Variants in GSTCD observed in about 807,000 individuals in gnomAD.
GSTCD encodes the protein glutathione S-transferase C-terminal domain containing, also known as glutathione S-transferase C-terminal domain-containing protein.
Under a neutral mutation model 68.3 loss-of-function variants are expected in GSTCD, and 44 were observed. The observed-to-expected ratio is 0.64, with a 90% CI of 0.51 to 0.83. The LOEUF is 0.83. GSTCD is among the 40% of genes least tolerant of loss of function. The pLI, the probability that GSTCD is intolerant of heterozygous loss-of-function variation, is 0.00. For synonymous variants in GSTCD, 273 were observed against 255.2 expected, an observed-to-expected ratio of 1.07 and a Z score of -0.67; for missense variants, 739 against 735.9, an observed-to-expected ratio of 1.00 and a Z score of -0.05.
Position 105,729,449 on chromosome 4 carries a change from C to T in GSTCD, c.1190C>T (p.Thr397Ile), listed in dbSNP as rs751233029. The change falls in exon 5 of 12, where the codon ACT (threonine) becomes ATT (isoleucine). Residue 397 changes from threonine (T) to isoleucine (I), a missense_variant. Coordinates refer to ENST00000515279, the MANE Select transcript of GSTCD (RefSeq NM_001370181.1). ...ATGTTTTCTCCCCACCCTTGCCCTA[C>T]TTGGACTCTTGATTGGAATGTTCTC... is the stretch of plus-strand genomic sequence containing the variant. ...EVMFSPHPCP[T>I]WTLDWNVLPA... 4 of 1,612,152 alleles carry T rather than the reference C, an allele frequency of 2.5e-6. No individual in the cohort carries two copies. The highest frequency in any genetic ancestry group is 1.1e-5 in the South Asian group (1 of 90,786).
At chr4:105,726,895 C>T in intron 4 of GSTCD, 65 bp downstream of exon 4, 1 of 1,238,170 alleles carries the variant, frequency 8.1e-7, no homozygotes, top group Admixed American at 2.4e-5. Context: ...CATTCTACTC[C>T]AACTTGTAAT....
chr4:105,766,885 C>CTATTTTTTTTTTTTTTTTT (rs1491149179), intron 5 of GSTCD, among the ~76,000 whole-genome samples: 1 of 23,040 alleles, frequency 4.3e-5, no homozygotes, highest in African/African-American at 1.7e-4. Context: ...AGGTTTTTGA[C>CTATTTTTTTTTTTTTTTTT]TCTTTTTTTT....
intron 1 of GSTCD, among the ~76,000 whole-genome samples, chr4:105,715,259 G>C (rs968962900): frequency 2.6e-5 from 4 of 152,020 alleles, no homozygotes; most frequent in African/African-American, 4.8e-5. Context: ...GCATAAAGGT[G>C]TTATATTAAT....
chr4:105,808,875 T>C (rs1023186064), intron 5 of GSTCD, among the ~76,000 whole-genome samples: 5 of 152,080 alleles, frequency 3.3e-5, no homozygotes, highest in Non-Finnish European at 5.9e-5. Context: ...CTGTGTACAC[T>C]ACTAGCCTGA....
At chr4:105,742,874 C>A (rs1029616295) in intron 5 of GSTCD, among the ~76,000 whole-genome samples, 1 of 151,866 alleles carries the variant, frequency 6.6e-6, no homozygotes, top group African/African-American at 2.4e-5. Flanking sequence ...GCCATCATAC[C>A]TGGCTAATTT....
At chr4:105,760,995 AATTT>A in intron 5 of GSTCD, 1 of 258,986 alleles carries the variant, frequency 3.9e-6, no homozygotes, top group Non-Finnish European at 7.1e-6. Flanking sequence ...ATCCTTTTTT[AATTT>A]TTTTTTTTTT....
intron 5 of GSTCD, among the ~76,000 whole-genome samples, chr4:105,734,906 C>T (rs966659641): frequency 2.2e-4 from 34 of 152,150 alleles, no homozygotes; most frequent in African/African-American, 8.0e-4. Context: ...ACAGTCAGGA[C>T]CCTCAGCTGC....
At chr4:105,754,730 C>T (rs1345630023) in intron 5 of GSTCD, among the ~76,000 whole-genome samples, 1 of 151,942 alleles carries the variant, frequency 6.6e-6, no homozygotes, top group East Asian at 1.9e-4. Flanking sequence ...TGGCAGTGTG[C>T]ACATCTAATA....
intron 3 of GSTCD, among the ~76,000 whole-genome samples, chr4:105,723,727 TATAA>T (rs957094798): frequency 6.6e-6 from 1 of 151,658 alleles, no homozygotes; most frequent in Non-Finnish European, 1.5e-5. Context: ...TAAAAAAATA[TATAA>T]ATAATTACAA....
At chr4:105,720,944 C>T (rs1732840605) in intron 3 of GSTCD, among the ~76,000 whole-genome samples, 1 of 151,846 alleles carries the variant, frequency 6.6e-6, no homozygotes, top group Non-Finnish European at 1.5e-5. Context: ...AAAATATTTT[C>T]CTTCGTTCCT....
intron 5 of GSTCD, among the ~76,000 whole-genome samples, chr4:105,738,539 G>A (rs1045719679): frequency 3.3e-5 from 5 of 151,864 alleles, no homozygotes; most frequent in African/African-American, 1.2e-4. Context: ...ATTTTTTTGT[G>A]TGTCCTCTTC....
intron 10 of GSTCD, among the ~76,000 whole-genome samples, chr4:105,840,560 T>C (rs1200787065): frequency 6.6e-6 from 1 of 152,228 alleles, no homozygotes; most frequent in Non-Finnish European, 1.5e-5. Flanking sequence ...GAATTTAACC[T>C]GTTTGCTAAG....
At chr4:105,734,678 C>G (rs1448045738) in intron 5 of GSTCD, among the ~76,000 whole-genome samples, 1 of 152,230 alleles carries the variant, frequency 6.6e-6, no homozygotes, top group Non-Finnish European at 1.5e-5. Context: ...CTTCTTTCAA[C>G]TCGTCAAAGT....
chr4:105,729,421 G>A lies in GSTCD; in HGVS notation c.1162G>A (p.Val388Met). ...MAKLMEKGIE[V>M]MFSPHPCPTW... ...CCTTTTCTAGGAAAAGGGCATTGAA[G>A]TGATGTTTTCTCCCCACCCTTGCCC... The change falls in exon 5 of 12, where the codon GTG becomes ATG. Residue 388 changes from valine to methionine, a missense_variant. Physicochemically the swap from Val to Met is conservative, Grantham distance 21. Coordinates refer to ENST00000515279, the MANE Select transcript of GSTCD (RefSeq NM_001370181.1). 1 of 1,608,120 alleles carries A rather than the reference G, an allele frequency of 6.2e-7. No homozygotes were observed. Among genetic ancestry groups the A allele is most frequent in the East Asian group, 2.2e-5 (1 of 44,736 alleles).
intron 5 of GSTCD, among the ~76,000 whole-genome samples, chr4:105,757,296 A>G (rs1056507551): frequency 3.3e-5 from 5 of 152,252 alleles, no homozygotes; most frequent in African/African-American, 7.2e-5. Context: ...ACTTTAATAT[A>G]TTAAGAATTT....
rs533867138 is a variant in GSTCD at position 105,721,058 on chromosome 4, G to A, written c.894+1531G>A. On this transcript the variant is annotated intron_variant, in intron 3 of 11. Transcript: ENST00000515279. ...GTAATCGCAGCTCACTGCAACCTCC[G>A]CTTCCTGGGTTGAAGCAATTCTCCT... Among the ~76,000 whole-genome samples, 55 of 150,912 alleles carry A rather than the reference G, an allele frequency of 3.6e-4. No homozygotes were observed. In the Middle Eastern group the frequency reaches 0.01, roughly 28 times the overall value.
chr4:105,836,867 G>A (rs969653167), intron 9 of GSTCD, among the ~76,000 whole-genome samples: 6 of 152,192 alleles, frequency 3.9e-5, no homozygotes, highest in African/African-American at 1.4e-4. Context: ...CAAAAATACA[G>A]TTGGGAATTT....
At chr4:105,771,232 C>A (rs1009618472) in intron 5 of GSTCD, among the ~76,000 whole-genome samples, 1 of 151,296 alleles carries the variant, frequency 6.6e-6, no homozygotes, top group African/African-American at 2.4e-5. Context: ...TTTTTTCTTG[C>A]AAATTTGTTT....
intron 5 of GSTCD, among the ~76,000 whole-genome samples, chr4:105,774,719 C>A (rs908279373): frequency 1.3e-5 from 2 of 152,160 alleles, no homozygotes; most frequent in East Asian, 1.9e-4. Flanking sequence ...CAGAGAGATC[C>A]GCTGTTAGTC....
Sources: allele counts gnomAD v4.1 joint callset (sites outside exome capture counted in the v4.1 genomes callset), GRCh38; gene constraint gnomAD v4.1.1; transcripts MANE v1.5; gene names NCBI Gene and HGNC (gene_info 2026-07-23, HGNC 2026-07-21).